The following CYP4X1 variants were observed in gnomAD, a reference collection of about 807,000 sequenced individuals.
CYP4X1 encodes the protein cytochrome P450 4X1.
In CYP4X1, 44 loss-of-function variants were observed where a neutral mutation model predicts 57.9. The ratio of observed to expected loss-of-function variants is 0.76; its 90% CI spans 0.60 to 0.98. The LOEUF (loss-of-function observed/expected upper bound fraction) is 0.98, where lower values mean the gene tolerates loss of function less well. Among genes scored for constraint, CYP4X1 ranks in the 50% least tolerant of loss-of-function variants. The pLI is 0.00. For missense variants in CYP4X1, 532 were observed against 623.9 expected, an observed-to-expected ratio of 0.85 and a Z score of 1.57; for synonymous variants, 227 against 228.6, an observed-to-expected ratio of 0.99 and a Z score of 0.06.
the CYP4X1 span, among the ~76,000 whole-genome samples, chr1:46,986,247 A>G: frequency 6.6e-6 from 1 of 152,228 alleles, no homozygotes; most frequent in African/African-American, 2.4e-5. Context: ...AGTTGAATCA[A>G]TCAAATGAAA....
At chr1:47,006,354 A>G in the CYP4X1 span, among the ~76,000 whole-genome samples, 2 of 152,334 alleles carry the variant, frequency 1.3e-5, no homozygotes, top group East Asian at 3.9e-4. Context: ...GAATTCTAGT[A>G]GACACATAAT....
At chr1:47,048,734 CAAATT>C (rs1644329523) in intron 10 of CYP4X1, 105 bp downstream of exon 10, 1 of 1,068,812 alleles carries the variant, frequency 9.4e-7, no homozygotes, top group African/African-American at 1.6e-5. Context: ...GGAAATGACA[CAAATT>C]AAACAAAAAT....
At chr1:46,989,569 C>G in the CYP4X1 span, among the ~76,000 whole-genome samples, 4 of 152,094 alleles carry the variant, frequency 2.6e-5, no homozygotes, top group Non-Finnish European at 2.9e-5. Context: ...TCATATGGAA[C>G]CAAAAAAGAG....
chr1:47,036,565 C>T (rs1343971801), intron 6 of CYP4X1, among the ~76,000 whole-genome samples: 7 of 151,578 alleles, frequency 4.6e-5, no homozygotes, highest in South Asian at 2.1e-4. Flanking sequence ...GACATGCACC[C>T]GAAAGAATAT....
the CYP4X1 span, among the ~76,000 whole-genome samples, chr1:46,988,863 T>C: frequency 2.0e-5 from 3 of 152,154 alleles, no homozygotes; most frequent in African/African-American, 7.2e-5. Context: ...CCCTTCATGC[T>C]AAAAACTCTC....
downstream of CYP4X1, among the ~76,000 whole-genome samples, chr1:47,051,916 GTTAGT>G (rs1386689810): frequency 3.8e-5 from 5 of 130,544 alleles, no homozygotes; most frequent in African/African-American, 1.3e-4. Flanking sequence ...AATGGGTTAG[GTTAGT>G]TCTTTAAAAG....
At position 47,049,447 on chromosome 1, in the gene CYP4X1, A is replaced by T; in HGVS notation, c.1298A>T (p.Gln433Leu). ...GTCTTTGACCCCTTGAGGTTCTCTC[A>T]GGAGAATTCTGATCAGAGACACCCC... Reference protein sequence around the residue: ...PKVFDPLRFSQENSDQRHPYA... With the variant: ...PKVFDPLRFSLENSDQRHPYA... Residue 433 changes from glutamine (Q) to leucine (L), a missense_variant, in exon 11 of 12, where the codon CAG (glutamine) becomes CTG (leucine). By Grantham distance (113) the Gln-to-Leu change is moderately radical (BLOSUM62 -2). Transcript: ENST00000371901. 1 of 1,614,110 alleles carries T rather than the reference A, an allele frequency of 6.2e-7. No individual in the cohort carries two copies.
At chr1:47,014,311 C>A in the CYP4X1 span, among the ~76,000 whole-genome samples, 1 of 152,132 alleles carries the variant, frequency 6.6e-6, no homozygotes, top group Non-Finnish European at 1.5e-5. Flanking sequence ...TTCCTCCTAC[C>A]TTCAAGGCCA....
At chr1:46,995,026 C>G in the CYP4X1 span, among the ~76,000 whole-genome samples, 10 of 152,132 alleles carry the variant, frequency 6.6e-5, no homozygotes, top group African/African-American at 2.4e-4. Flanking sequence ...TACTCCCTGT[C>G]CCAGGTGCCT....
At chr1:46,974,007 T>C in the CYP4X1 span, among the ~76,000 whole-genome samples, 15 of 152,160 alleles carry the variant, frequency 9.9e-5, no homozygotes, top group Non-Finnish European at 1.8e-4. Flanking sequence ...CTAGGTGTTA[T>C]GTTAGGTTGG....
chr1:46,970,270 T>G, the CYP4X1 span, among the ~76,000 whole-genome samples: 1 of 152,178 alleles, frequency 6.6e-6, no homozygotes, highest in African/African-American at 2.4e-5. Flanking sequence ...ACAGTGAAAT[T>G]TGGAAGACCC....
chr1:47,033,022 G>C (rs1012927234), intron 3 of CYP4X1, among the ~76,000 whole-genome samples: 2 of 152,142 alleles, frequency 1.3e-5, no homozygotes, highest in Non-Finnish European at 2.9e-5. Context: ...CTTTGAAACT[G>C]TTTCTCACAA....
Position 47,025,722 on chromosome 1 carries a change from C to G in CYP4X1, c.177+1728C>G, listed in dbSNP as rs543849182. 1.2e-3 allele frequency among the ~76,000 whole-genome samples: 186 copies of G among 152,206 alleles called. 1 individual carries two copies. The highest frequency in any genetic ancestry group is 3.9e-3 in the African/African-American group (163 of 41,528). On this transcript the variant is annotated intron_variant, in intron 1 of 11. Transcript: ENST00000371901. ...TTTTTTTCCAAATCCTCTAATAGAT[C>G]TGTCAAACACATCTAAATAATATTT...
chr1:47,011,143 T>C, the CYP4X1 span, among the ~76,000 whole-genome samples: 2 of 152,074 alleles, frequency 1.3e-5, no homozygotes, highest in Admixed American at 1.3e-4. Context: ...CATAATGCTA[T>C]CTGACTTCAA....
the CYP4X1 span, among the ~76,000 whole-genome samples, chr1:47,012,263 A>G: frequency 0.32 from 48,057 of 151,770 alleles, 8,027 homozygotes; most frequent in East Asian, 0.5. Context: ...TTGTAGGGAC[A>G]CGGATGAAGC....
rs1553152516 is a variant in CYP4X1 at position 47,036,370 on chromosome 1, T to TA, written c.775+199_775+200insA. ...AACCATAGCAGTATTATCAGAATTT[T>TA]TATATATATATATATACACTATTTT... On this transcript the variant is annotated intron_variant, in intron 6 of 11. Transcript: ENST00000371901. Among the ~76,000 whole-genome samples the TA allele has an allele frequency of 4.8e-4, 62 of 129,838 alleles. 2 individuals are homozygous for TA. The highest frequency in any genetic ancestry group is 1.7e-3 in the African/African-American group (61 of 35,848). 85.2% of individuals were successfully genotyped at this position (129,838 alleles called of 152,430 possible).
chr1:47,009,067 T>C, the CYP4X1 span, among the ~76,000 whole-genome samples: 3,273 of 152,122 alleles, frequency 0.022, 77 homozygotes, highest in African/African-American at 0.057. Context: ...ACCAAGTGGA[T>C]CTAATAGACA....
the CYP4X1 span, among the ~76,000 whole-genome samples, chr1:47,005,979 G>A: frequency 3.3e-5 from 5 of 152,180 alleles, no homozygotes; most frequent in Admixed American, 6.5e-5. Flanking sequence ...TTAGGTTTAG[G>A]TGAGCACCTG....
chr1:46,976,804 C>T, the CYP4X1 span, among the ~76,000 whole-genome samples: 3 of 152,184 alleles, frequency 2.0e-5, no homozygotes, highest in African/African-American at 2.4e-5. Flanking sequence ...TGCTCTGCAG[C>T]CTCTGCTGGT....
Sources: gnomAD v4.1 joint callset for allele counts (sites outside exome capture counted in the v4.1 genomes callset) on GRCh38, gnomAD v4.1.1 for gene constraint, MANE v1.5 for transcripts, NCBI Gene and HGNC (gene_info 2026-07-23, HGNC 2026-07-21) for gene names.